DSCAML1: variants seen among roughly 807,000 people sequenced by gnomAD.
DSCAML1 encodes cell adhesion molecule DSCAML1.
DSCAML1 carries 38 observed loss-of-function variants against 200.5 expected under a neutral mutation model. The observed-to-expected ratio is 0.19, with a 90% CI of 0.15 to 0.25. The LOEUF (loss-of-function observed/expected upper bound fraction) is 0.25, where lower values mean the gene tolerates loss of function less well. Ranked by LOEUF, DSCAML1 falls within the 10% of genes least tolerant of loss-of-function variation. The probability of loss-of-function intolerance (pLI) is 1.00; values close to 1 mark genes in which losing one functional copy is unlikely to be tolerated. For synonymous variants in DSCAML1, 1,215 were observed against 1,165.0 expected, an observed-to-expected ratio of 1.04 and a Z score of -0.87; for missense variants, 2,223 against 2,858.8, an observed-to-expected ratio of 0.78 and a Z score of 5.07.
intron 3 of DSCAML1, among the ~76,000 whole-genome samples, chr11:117,609,026 ACAAAC>A (rs779811333): frequency 5.3e-5 from 6 of 114,000 alleles, no homozygotes; most frequent in African/African-American, 1.7e-4. Flanking sequence ...AAACAAACAA[ACAAAC>A]AAACAAAAAA....
Position 117,461,515 on chromosome 11 carries a change from C to T in DSCAML1, c.3347G>A (p.Arg1116His), listed in dbSNP as rs1462193959. The T allele has an allele frequency of 8.1e-6, 13 of 1,614,090 alleles. No individual in the cohort carries two copies. The highest frequency in any genetic ancestry group is 1.1e-5 in the South Asian group (1 of 91,088). The change falls in exon 18 of 33, where the codon CGC becomes CAC. Residue 1116 changes from arginine (R) to histidine (H), a missense_variant. This residue lies in a region of DSCAML1 where 438 missense variants were observed against 629.7 expected (regional missense o/e 0.70). Transcript: ENST00000651296. ...TTTGAGGACGCCATTGAGGGTGCTGCGCGGGGGCTCTGACCAGGAGATGAC... is the reference window on the plus strand; with the variant it reads ...TTTGAGGACGCCATTGAGGGTGCTGTGCGGGGGCTCTGACCAGGAGATGAC... ...VAVISWSEPP[R>H]STLNGVLKGY... is the part of the protein sequence containing the mutation.
chr11:117,552,746 C>A (rs1386440921), intron 3 of DSCAML1, among the ~76,000 whole-genome samples: 1 of 152,176 alleles, frequency 6.6e-6, no homozygotes, highest in Non-Finnish European at 1.5e-5. Context: ...TTGCTGGAGG[C>A]AACAAGGCTG....
At chr11:117,667,955 G>C (rs1036792609) in intron 3 of DSCAML1, among the ~76,000 whole-genome samples, 1 of 152,204 alleles carries the variant, frequency 6.6e-6, no homozygotes, top group African/African-American at 2.4e-5. Context: ...TTAGGTGCCC[G>C]ATGTCAGAGA....
chr11:117,813,696 C>A (rs2055778824), intron 1 of DSCAML1, among the ~76,000 whole-genome samples: 1 of 152,150 alleles, frequency 6.6e-6, no homozygotes, highest in Non-Finnish European at 1.5e-5. Context: ...AACAACCCCA[C>A]AATATCACCC....
intron 3 of DSCAML1, among the ~76,000 whole-genome samples, chr11:117,618,624 G>T (rs1275222787): frequency 6.6e-6 from 1 of 151,856 alleles, no homozygotes; most frequent in Non-Finnish European, 1.5e-5. Flanking sequence ...TCCCTAAAGT[G>T]TCCATGTGAC....
intron 15 of DSCAML1, among the ~76,000 whole-genome samples, chr11:117,470,483 G>A (rs565058605): frequency 1.3e-5 from 2 of 152,354 alleles, no homozygotes; most frequent in East Asian, 1.9e-4. Context: ...GCTGAGGCAG[G>A]AGAATGGCAT....
At chr11:117,603,055 C>T (rs12796722) in intron 3 of DSCAML1, among the ~76,000 whole-genome samples, 30,124 of 152,114 alleles carry the variant, frequency 0.2, 3,321 homozygotes, top group Non-Finnish European at 0.24. Context: ...ATGATTGCAT[C>T]GCTGCACTTC....
At position 117,727,820 on chromosome 11, in the gene DSCAML1, A is replaced by T. The variant is rs2054158726; in HGVS notation, c.511+48971T>A. On this transcript the variant is annotated intron_variant, in intron 3 of 32. Coordinates refer to ENST00000651296, the MANE Select transcript of DSCAML1 (RefSeq NM_020693.4). ...ACTGGGGAGCTGTTGAGTAGAGCTT[A>T]CTACCCATGATGATATCTGAGCCAA... Among the ~76,000 whole-genome samples the T allele has an allele frequency of 2.6e-5, 4 of 152,338 alleles. No individual in the cohort carries two copies. In the South Asian group the frequency reaches 8.3e-4, roughly 32 times the overall value.
chr11:117,730,370 ACAGCCT>A, intron 3 of DSCAML1, among the ~76,000 whole-genome samples: 1 of 152,334 alleles, frequency 6.6e-6, no homozygotes, highest in East Asian at 1.9e-4. Context: ...AACCTCCCCT[ACAGCCT>A]CCAGAAAGAA....
chr11:117,761,366 T>C (rs1262260444), intron 3 of DSCAML1, among the ~76,000 whole-genome samples: 2 of 152,198 alleles, frequency 1.3e-5, no homozygotes, highest in Non-Finnish European at 2.9e-5. Context: ...GGCCTGCCTT[T>C]TGTGTTCCTC....
At chr11:117,488,466 G>A (rs936548767) in intron 11 of DSCAML1, among the ~76,000 whole-genome samples, 34 of 152,046 alleles carry the variant, frequency 2.2e-4, no homozygotes, top group African/African-American at 7.5e-4. Context: ...GGGTGAAGGC[G>A]GCCACCACGA....
intron 4 of DSCAML1, among the ~76,000 whole-genome samples, chr11:117,529,370 G>A (rs115270952): frequency 5.9e-5 from 9 of 152,232 alleles, no homozygotes; most frequent in African/African-American, 2.2e-4. Flanking sequence ...GAATCACCAC[G>A]CCTGGCCTTT....
intron 3 of DSCAML1, among the ~76,000 whole-genome samples, chr11:117,715,212 G>A (rs1013471595): frequency 4.0e-5 from 6 of 151,328 alleles, no homozygotes; most frequent in African/African-American, 1.2e-4. Flanking sequence ...GCCTTCTCCC[G>A]GCCTCAGCAT....
intron 3 of DSCAML1, among the ~76,000 whole-genome samples, chr11:117,665,168 G>C (rs555068547): frequency 2.0e-5 from 3 of 152,170 alleles, no homozygotes; most frequent in Non-Finnish European, 4.4e-5. Flanking sequence ...TTTCACAGTT[G>C]TGATGCCTTG....
At chr11:117,475,183 G>C (rs1026350354) in intron 14 of DSCAML1, among the ~76,000 whole-genome samples, 1 of 152,038 alleles carries the variant, frequency 6.6e-6, no homozygotes, top group African/African-American at 2.4e-5. Context: ...AGCATACCCT[G>C]TTTCTTTCAT....
At chr11:117,537,997 T>A (rs1728465002) in intron 3 of DSCAML1, among the ~76,000 whole-genome samples, 1 of 152,154 alleles carries the variant, frequency 6.6e-6, no homozygotes, top group South Asian at 2.1e-4. Flanking sequence ...GGGCCAGTCT[T>A]CTCTCAGACC....
intron 3 of DSCAML1, among the ~76,000 whole-genome samples, chr11:117,544,171 G>C (rs1026634670): frequency 1.3e-5 from 2 of 152,138 alleles, no homozygotes; most frequent in African/African-American, 4.8e-5. Context: ...CTGTTTCCTG[G>C]GGTAGCTTCA....
Position 117,516,343 on chromosome 11 carries a change from C to G in DSCAML1, c.1783+124G>C, listed in dbSNP as rs2049767175. The G allele has an allele frequency of 7.9e-7, 1 of 1,270,342 alleles. No homozygotes were observed. The allele number at this position is 1,270,342 out of a possible 1,614,324, so 78.7% of individuals were successfully genotyped here. A position where few individuals can be genotyped will look rare whatever the true frequency, so the allele number is the denominator to read the frequency against. ...TTTTTTCTGAATGCCAAGCTGGGGC[C>G]TCTCTTGCTCAGCCTTCCGTTCACC... On this transcript the variant is annotated intron_variant, in intron 8 of 32. Transcript: ENST00000651296. This position sits in a 1 kb window ranked among gnomAD's most constrained non-coding sequence, Gnocchi z 5.7.
chr11:117,593,121 G>C (rs900768510), intron 3 of DSCAML1, among the ~76,000 whole-genome samples: 10 of 152,212 alleles, frequency 6.6e-5, no homozygotes, highest in Non-Finnish European at 1.2e-4. Context: ...AAGAAAGGGG[G>C]CAGTGAGGGG....
Sources: gnomAD v4.1 joint callset for allele counts (sites outside exome capture counted in the v4.1 genomes callset) on GRCh38, gnomAD v4.1.1 for gene constraint, gnomAD v4.1.1 regional missense constraint, Gnocchi (gnomAD v3.1) non-coding constraint, MANE v1.5 for transcripts, NCBI Gene and HGNC (gene_info 2026-07-23, HGNC 2026-07-21) for gene names.